FOXI1: variants seen among roughly 807,000 people sequenced by gnomAD.
FOXI1 encodes the protein forkhead box protein I1.
Under a neutral mutation model 16.4 loss-of-function variants are expected in FOXI1, and 11 were observed. The observed-to-expected ratio is 0.67, with a 90% confidence interval of 0.42 to 1.11. The LOEUF (loss-of-function observed/expected upper bound fraction) is 1.11. FOXI1 is among the 50% of genes least tolerant of loss of function. The pLI is 0.00. For synonymous variants in FOXI1, 218 were observed against 211.5 expected (o/e 1.03, Z -0.27); for missense variants, 480 against 506.1 (o/e 0.95, Z 0.49).
rs550209761 is a variant in FOXI1, at chr5:170,106,188, C to T, written c.231C>T (p.Pro77=). 1 of 1,587,904 alleles carries T rather than the reference C, an allele frequency of 6.3e-7. No homozygotes were observed. Among genetic ancestry groups the T allele is most frequent in the East Asian group, 2.3e-5 (1 of 43,346 alleles). ...CCATGACCCCGCCACCCTACCTGCC[C>T]GGCCCCAACGCCAGCCCCTTCCTGC... ...GPTMTPPPYL[P]GPNASPFLPQ... is the part of the protein sequence containing the mutation. The change falls in exon 1 of 2, where the codon CCC becomes CCT. Residue 77 remains proline, a synonymous_variant. Transcript: ENST00000306268.
At chr5:170,107,512 C>T (rs755996841) in intron 1 of FOXI1, among the ~76,000 whole-genome samples, 3 of 152,310 alleles carry the variant, frequency 2.0e-5, no homozygotes, top group South Asian at 2.1e-4. Flanking sequence ...CCAGCTGCAA[C>T]GCTCCTTTCC....
In FOXI1 at chr5:170,108,312, A is replaced by G. The variant is rs754361561; in HGVS notation, c.838A>G (p.Ser280Gly). The G allele has an allele frequency of 6.2e-6, 10 of 1,613,948 alleles. No homozygotes were observed. Among genetic ancestry groups the G allele is most frequent in the Non-Finnish European group, 8.5e-6 (10 of 1,180,022 alleles). ...PPPSGAPCLN[S>G]FLSSMTAYVS... ...CCCATCAGGCGCCCCTTGCCTTAACAGCTTCCTTTCCTCTATGACAGCCTA... is the reference window on the plus strand; with the variant it reads ...CCCATCAGGCGCCCCTTGCCTTAACGGCTTCCTTTCCTCTATGACAGCCTA... Residue 280 changes from serine to glycine, a missense_variant, in exon 2 of 2, where the codon AGC becomes GGC. Coordinates refer to ENST00000306268, the MANE Select transcript of FOXI1 (RefSeq NM_012188.5).
At chr5:170,106,838 T>C (rs935435610) in intron 1 of FOXI1, 6 of 277,958 alleles carry the variant, frequency 2.2e-5, no homozygotes, top group Non-Finnish European at 3.3e-5. Flanking sequence ...GTGGAGGTGA[T>C]GAGATAATGT....
At position 170,107,504 on chromosome 5, in the gene FOXI1, A is replaced by G. The variant is rs527627017; in HGVS notation, c.575-545A>G. Among the ~76,000 whole-genome samples the G allele has an allele frequency of 5.9e-5, 9 of 152,272 alleles. No homozygotes were observed. The East Asian group carries it at 1.4e-3, about 23-fold the overall frequency. On this transcript the variant is annotated intron_variant, in intron 1 of 1. Transcript: ENST00000306268. ...GCCTTCCCTCGGGAAGGTACCTCCC[A>G]GCTGCAACGCTCCTTTCCATATCCG...
At chr5:170,106,656 G>T in intron 1 of FOXI1, 125 bp downstream of exon 1, 1 of 1,388,342 alleles carries the variant, frequency 7.2e-7, no homozygotes, top group Non-Finnish European at 9.9e-7. Flanking sequence ...CTACCAGGCA[G>T]GACAGAGGGG....
chr5:170,108,562 G>T lies in FOXI1; in HGVS notation c.1088G>T (p.Ser363Ile), dbSNP rs150705492. The T allele has an allele frequency of 4.8e-4, 768 of 1,613,610 alleles. No individual in the cohort carries two copies. The highest frequency in any genetic ancestry group is 5.9e-4 in the Non-Finnish European group (701 of 1,179,956). Residue 363 changes from serine to isoleucine, a missense_variant, in exon 2 of 2, where the codon AGT becomes ATT. By Grantham distance (142) the Ser-to-Ile change is moderately radical (BLOSUM62 -2). Transcript: ENST00000306268. The stretch of plus-strand genomic sequence containing the variant: ...CAATTCAGCCCTCACTTCTACAACA[G>T]TGTCAACACCAGTGGTGTCCTCTAC... ...LSQFSPHFYN[S>I]VNTSGVLYPR...
At chr5:170,107,612 C>A (rs1414282557) in intron 1 of FOXI1, among the ~76,000 whole-genome samples, 1 of 152,240 alleles carries the variant, frequency 6.6e-6, no homozygotes, top group Non-Finnish European at 1.5e-5. Flanking sequence ...TCTTCCAAAG[C>A]CCCTCAGTCA....
In FOXI1 at chr5:170,106,124, G is replaced by A. The variant is rs1445493418; in HGVS notation, c.167G>A (p.Gly56Glu). The change falls in exon 1 of 2, where the codon GGG (glycine) becomes GAG (glutamate). Residue 56 changes from glycine (G) to glutamate (E), a missense_variant. Transcript: ENST00000306268. Reference protein sequence around the residue: ...RPSFEGGGEYGATPNPYLWFN... With the variant: ...RPSFEGGGEYEATPNPYLWFN... The stretch of plus-strand genomic sequence containing the variant: ...TCCTTCGAGGGGGGCGGCGAGTATG[G>A]GGCCACCCCCAACCCCTACCTCTGG... 4 of 1,611,692 alleles carry A rather than the reference G, an allele frequency of 2.5e-6. No individual in the cohort carries two copies. Among genetic ancestry groups the A allele is most frequent in the Non-Finnish European group, 3.4e-6 (4 of 1,178,952 alleles).
At position 170,105,957 on chromosome 5, in the gene FOXI1, C is replaced by T; in HGVS notation, c.-1C>T. 3.1e-6 allele frequency: 5 copies of T among 1,607,926 alleles called. No individual in the cohort carries two copies. The highest frequency in any genetic ancestry group is 4.3e-6 in the Non-Finnish European group (5 of 1,175,542). On this transcript the variant is annotated 5_prime_UTR_variant, in exon 1 of 2. Coordinates refer to ENST00000306268, the MANE Select transcript of FOXI1 (RefSeq NM_012188.5). ...GTGGCTCCGGCCAGCCCAGCCCCAG[C>T]ATGAGCTCCTTCGACCTGCCGGCGC...
At chr5:170,107,126 A>G (rs1050830167) in intron 1 of FOXI1, 2 of 286,402 alleles carry the variant, frequency 7.0e-6, no homozygotes, top group South Asian at 2.7e-4. Context: ...TCTACAGATT[A>G]GGAAAATAAC....
In FOXI1 at chr5:170,105,930, A is replaced by T; in HGVS notation, c.-28A>T. 1 of 1,545,168 alleles carries T rather than the reference A, an allele frequency of 6.5e-7. No individual in the cohort carries two copies. Among genetic ancestry groups the T allele is most frequent in the Non-Finnish European group, 8.9e-7 (1 of 1,121,346 alleles). On this transcript the variant is annotated 5_prime_UTR_variant, in exon 1 of 2. Transcript: ENST00000306268. ...CAGCTCCGGGGTGCAGGTGCCAGGC[A>T]GGTGGCTCCGGCCAGCCCAGCCCCA... is the stretch of plus-strand genomic sequence containing the variant.
rs1454405287 is a variant in FOXI1, at chr5:170,108,030, C to T, written c.575-19C>T. 1.9e-6 allele frequency: 3 copies of T among 1,591,804 alleles called. No individual in the cohort carries two copies. In the Admixed American group the frequency reaches 5.0e-5, roughly 27 times the overall value. On this transcript the variant is annotated intron_variant, in intron 1 of 1. Transcript: ENST00000306268. ...ATTTTGTCCACCTCTCTATTTACCCCCTTTCACTTTTGTATCAGGCAAAGG... is the reference window on the plus strand; with the variant it reads ...ATTTTGTCCACCTCTCTATTTACCCTCTTTCACTTTTGTATCAGGCAAAGG...
Position 170,108,685 on chromosome 5 carries a change from G to T in FOXI1, c.*74G>T. The T allele has an allele frequency of 8.4e-7, 1 of 1,196,160 alleles. No individual in the cohort carries two copies. The highest frequency in any genetic ancestry group is 1.2e-5 in the South Asian group (1 of 82,232). 74.1% of individuals were successfully genotyped at this position (1,196,160 alleles called of 1,614,324 possible). A position where few individuals can be genotyped will look rare whatever the true frequency, so the allele number is the denominator to read the frequency against. ...TAGAGGTCCTCCATGCCAGCCCCAC[G>T]GTGGTCCATGACTGCGGAACTGCCC... On this transcript the variant is annotated 3_prime_UTR_variant, in exon 2 of 2. Coordinates refer to ENST00000306268, the MANE Select transcript of FOXI1 (RefSeq NM_012188.5).
In FOXI1 at chr5:170,106,065, C is replaced by T. The variant is rs1387425041; in HGVS notation, c.108C>T (p.Phe36=). Residue 36 remains phenylalanine, a synonymous_variant, in exon 1 of 2, where the codon TTC becomes TTT. Transcript: ENST00000306268. The stretch of plus-strand genomic sequence containing the variant: ...TGAACCTCTACTATGAGAACTTCTT[C>T]CACCCACAGGGCGTGCCCAGCCCTC... ...PEMNLYYENF[F]HPQGVPSPQR... 1 of 1,613,342 alleles carries T rather than the reference C, an allele frequency of 6.2e-7. No individual in the cohort carries two copies. The highest frequency in any genetic ancestry group is 8.5e-7 in the Non-Finnish European group (1 of 1,179,486).
At chr5:170,108,010 G>T (rs1282851698) in intron 1 of FOXI1, 39 bp from the exon 2 acceptor site, 1 of 1,494,404 alleles carries the variant, frequency 6.7e-7, no homozygotes, top group Non-Finnish European at 9.3e-7. Flanking sequence ...AAAGCATTTT[G>T]TCCACCTCTC....
intron 1 of FOXI1, among the ~76,000 whole-genome samples, chr5:170,107,393 C>T (rs1332888039): frequency 6.6e-6 from 1 of 152,178 alleles, no homozygotes; most frequent in African/African-American, 2.4e-5. Flanking sequence ...AAACACCAGG[C>T]CTGTTTGTCC....
At chr5:170,107,094 G>T in intron 1 of FOXI1, 1 of 601,904 alleles carries the variant, frequency 1.7e-6, no homozygotes, top group Non-Finnish European at 2.1e-6. Context: ...CACCCCTGCA[G>T]GGTAGCTCTT....
Position 170,108,677 on chromosome 5 carries a change from A to G in FOXI1, c.*66A>G. On this transcript the variant is annotated 3_prime_UTR_variant, in exon 2 of 2. Coordinates refer to ENST00000306268, the MANE Select transcript of FOXI1 (RefSeq NM_012188.5). ...AAAAGCAGTAGAGGTCCTCCATGCC[A>G]GCCCCACGGTGGTCCATGACTGCGG... is the stretch of plus-strand genomic sequence containing the variant. 7.9e-7 allele frequency: 1 copy of G among 1,270,554 alleles called. No homozygotes were observed. 78.7% of individuals were successfully genotyped at this position (1,270,554 alleles called of 1,614,324 possible).
chr5:170,108,516 T>TACGGAGG lies in FOXI1; in HGVS notation c.1043_1044insCGGAGGA (p.Ser351TrpfsTer67). ...CCCCATGCCCACCAACATGCTCAGC[T>TACGGAGG]ATGGAGGATCTGTGCTCAGCCAATT... On this transcript the variant is annotated frameshift_variant, in exon 2 of 2. Coordinates refer to ENST00000306268, the MANE Select transcript of FOXI1 (RefSeq NM_012188.5). LOFTEE classifies it high-confidence loss of function. The TACGGAGG allele has an allele frequency of 6.2e-7, 1 of 1,609,266 alleles. No homozygotes were observed.
Sources: gnomAD v4.1 joint callset for allele counts (sites outside exome capture counted in the v4.1 genomes callset) on GRCh38, gnomAD v4.1.1 for gene constraint, MANE v1.5 for transcripts, NCBI Gene and HGNC (gene_info 2026-07-23, HGNC 2026-07-21) for gene names.